Variants in AKNAD1 observed in about 807,000 individuals in gnomAD.
AKNAD1 encodes protein AKNAD1.
AKNAD1 carries 67 observed loss-of-function variants against 90.8 expected under a neutral mutation model. The ratio of observed to expected loss-of-function variants is 0.74; its 90% confidence interval spans 0.61 to 0.90. The LOEUF (loss-of-function observed/expected upper bound fraction) is 0.90. Among genes scored for constraint, AKNAD1 ranks in the 40% least tolerant of loss-of-function variants. The pLI is 0.00. For synonymous variants in AKNAD1, 327 were observed against 341.4 expected, an observed-to-expected ratio of 0.96 and a Z score of 0.46; for missense variants, 957 against 975.4, an observed-to-expected ratio of 0.98 and a Z score of 0.25.
chr1:108,842,372 G>A (rs1182949850), intron 6 of AKNAD1, among the ~76,000 whole-genome samples: 1 of 152,114 alleles, frequency 6.6e-6, no homozygotes, highest in African/African-American at 2.4e-5. Flanking sequence ...TTTATACCAG[G>A]AAATTATAGG....
At chr1:108,840,307 A>T (rs1325258106) in intron 6 of AKNAD1, among the ~76,000 whole-genome samples, 1 of 152,218 alleles carries the variant, frequency 6.6e-6, no homozygotes, top group African/African-American at 2.4e-5. Context: ...AATACTTCCT[A>T]TGACATCAAT....
In AKNAD1 at chr1:108,849,117, T is replaced by C. The variant is rs561891187; in HGVS notation, c.1034-57A>G. On this transcript the variant is annotated intron_variant, in intron 3 of 15. Transcript: ENST00000370001. ...TTCATCTCAACTTATCACAGTTTTA[T>C]TAAGTACTGAAAACAGAAAGCTGTT... 3.4e-6 allele frequency: 5 copies of C among 1,451,056 alleles called. No individual in the cohort carries two copies. In the South Asian group the frequency reaches 7.3e-5, roughly 21 times the overall value. 89.9% of individuals were successfully genotyped at this position (1,451,056 alleles called of 1,614,324 possible).
rs371658377 is a variant in AKNAD1, at chr1:108,844,832, A to C, written c.1246-1565T>G. On this transcript the variant is annotated intron_variant, in intron 5 of 15. Transcript: ENST00000370001. ...ATTATTAATTCTTTTTTTTTTTTTT[A>C]ATTTAAGACAGTCACTCGCTCTGTC... Among the ~76,000 whole-genome samples the C allele has an allele frequency of 2.4e-5, 3 of 122,530 alleles. 1 individual carries two copies. The South Asian group carries it at 7.2e-4, about 29-fold the overall frequency. The allele number at this position is 122,530 out of a possible 152,430, so 80.4% of individuals were successfully genotyped here.
intron 9 of AKNAD1, among the ~76,000 whole-genome samples, chr1:108,832,871 C>T (rs369521772): frequency 7.2e-5 from 11 of 152,146 alleles, no homozygotes; most frequent in Non-Finnish European, 1.5e-4. Context: ...AACATTCCCA[C>T]GCACTGCCCT....
intron 11 of AKNAD1, 24 bp downstream of exon 11, chr1:108,827,181 C>A (rs771661558): frequency 7.6e-6 from 12 of 1,587,732 alleles, no homozygotes; most frequent in Non-Finnish European, 1.0e-5. Context: ...AAAATGAGCA[C>A]CCAGCCCAAG....
Position 108,837,614 on chromosome 1 carries a change from A to T in AKNAD1, c.1472T>A (p.Leu491His), listed in dbSNP as rs1255798729. Residue 491 changes from leucine to histidine, a missense_variant, in exon 7 of 16, where the codon CTT (leucine) becomes CAT (histidine). By Grantham distance (99) the Leu-to-His change is moderately conservative. Transcript: ENST00000370001. ...DESKYTSAPS[L>H]PVSSPVTLDD... ...CAGGGTAACTGGAGAACTCACAGGAAGGGAAGGAGCTGAAGTATATTTGCT... is the reference window on the plus strand; with the variant it reads ...CAGGGTAACTGGAGAACTCACAGGATGGGAAGGAGCTGAAGTATATTTGCT... 1 of 1,614,096 alleles carries T rather than the reference A, an allele frequency of 6.2e-7. No homozygotes were observed.
chr1:108,824,170 G>A (rs1663916113), intron 11 of AKNAD1, among the ~76,000 whole-genome samples: 1 of 152,158 alleles, frequency 6.6e-6, no homozygotes, highest in African/African-American at 2.4e-5. Context: ...TCATGACTTT[G>A]CTCTCTTAGC....
intron 1 of AKNAD1, among the ~76,000 whole-genome samples, chr1:108,856,399 C>T (rs551993497): frequency 3.6e-4 from 55 of 151,964 alleles, no homozygotes; most frequent in Non-Finnish European, 6.8e-4. Flanking sequence ...TGCTCTGGCT[C>T]TCAAGAAAAA....
At position 108,852,098 on chromosome 1, in the gene AKNAD1, C is replaced by T. The variant is rs747976210; in HGVS notation, c.567G>A (p.Thr189=). The T allele has an allele frequency of 3.1e-6, 5 of 1,614,162 alleles. No individual in the cohort carries two copies. The highest frequency in any genetic ancestry group is 1.3e-5 in the African/African-American group (1 of 75,048). ...CTAAATCAGAGGTATTTTCCTCTGT[C>T]GTGGTGGCAGAACCAGGCTTATTGC... ...ENSNKPGSAT[T]TEENTSDLEG... The change falls in exon 2 of 16, where the codon ACG becomes ACA. Residue 189 remains threonine, a synonymous_variant. Transcript: ENST00000370001.
chr1:108,830,644 GA>G lies in AKNAD1; in HGVS notation c.1752del (p.Asn586ThrfsTer12). On this transcript the variant is annotated frameshift_variant, in exon 10 of 16. Coordinates refer to ENST00000370001, the MANE Select transcript of AKNAD1 (RefSeq NM_152763.5). LOFTEE classifies it high-confidence loss of function. ...AMRLSSNSGE[D>X]PNGTPRRQDC... Reference sequence around the variant, plus strand: ...TCCTGCCTTCTTGGAGTGCCGTTGGGATCCTCCTGCGCCACAAAGCACACAG... The same window carrying G: ...TCCTGCCTTCTTGGAGTGCCGTTGGGTCCTCCTGCGCCACAAAGCACACAG... 1 of 1,614,068 alleles carries G rather than the reference GA, an allele frequency of 6.2e-7. No homozygotes were observed. The highest frequency in any genetic ancestry group is 8.5e-7 in the Non-Finnish European group (1 of 1,180,034).
chr1:108,818,395 C>T (rs1288373670), intron 14 of AKNAD1, among the ~76,000 whole-genome samples: 2 of 152,074 alleles, frequency 1.3e-5, no homozygotes, highest in African/African-American at 2.4e-5. Context: ...GTCCAGCATC[C>T]GGGGCCCCTA....
chr1:108,834,442 A>G lies in AKNAD1; in HGVS notation c.1746+5T>C, dbSNP rs775590361. 1 of 1,605,886 alleles carries G rather than the reference A, an allele frequency of 6.2e-7. No homozygotes were observed. The highest frequency in any genetic ancestry group is 1.7e-5 in the Admixed American group (1 of 59,048). ...CCCAGCCAGGCCCCGGCTGCAGGAC[A>G]TTACCCCAGAGTTAGAAGACAGCCT... On this transcript the variant is annotated splice_donor_5th_base_variant and intron_variant, in intron 9 of 15. Coordinates refer to ENST00000370001, the MANE Select transcript of AKNAD1 (RefSeq NM_152763.5).
At chr1:108,837,738 G>A (rs755348361) in intron 6 of AKNAD1, 32 bp from the exon 7 acceptor site, 1 of 1,608,182 alleles carries the variant, frequency 6.2e-7, no homozygotes. Context: ...GGCATCTTCT[G>A]GGCTATGTGG....
chr1:108,855,732 G>A (rs1226689613), intron 1 of AKNAD1, among the ~76,000 whole-genome samples: 1 of 151,998 alleles, frequency 6.6e-6, no homozygotes, highest in Non-Finnish European at 1.5e-5. Flanking sequence ...GTTGCAGTGA[G>A]CCGAGATCAT....
rs1181632372 is a variant in AKNAD1, at chr1:108,816,262, G to A, written c.2420C>T (p.Thr807Ile). 5 of 1,613,428 alleles carry A rather than the reference G, an allele frequency of 3.1e-6. No individual in the cohort carries two copies. The highest frequency in any genetic ancestry group is 1.1e-5 in the South Asian group (1 of 90,954). ...SALDHALRTA[T>I]ILKETTDQMI... ...TTGATCTGTAGTTTCTTTCAAAATG[G>A]TTGCTGTCCTTAGGGCATGATCCAA... is the stretch of plus-strand genomic sequence containing the variant. Residue 807 changes from threonine (T) to isoleucine (I), a missense_variant, in exon 16 of 16, where the codon ACC becomes ATC. Physicochemically the swap from Thr to Ile is moderately conservative, Grantham distance 89 (BLOSUM62 -1). Coordinates refer to ENST00000370001, the MANE Select transcript of AKNAD1 (RefSeq NM_152763.5).
intron 10 of AKNAD1, among the ~76,000 whole-genome samples, 162 bp from the exon 11 acceptor site, chr1:108,827,464 T>C (rs1021943072): frequency 1.3e-5 from 2 of 151,604 alleles, no homozygotes; most frequent in African/African-American, 4.8e-5. Context: ...GCCTGCCTGT[T>C]TGAGAGCTTT....
Position 108,816,215 on chromosome 1 carries a change from C to G in AKNAD1, c.2467G>C (p.Asp823His). 6.2e-7 allele frequency: 1 copy of G among 1,613,630 alleles called. No homozygotes were observed. The highest frequency in any genetic ancestry group is 8.5e-7 in the Non-Finnish European group (1 of 1,179,836). ...CTCCACCTCTGTGCTTTAGCAAGGTCTTCTGCAATCGTTTTAATCATTTGA... is the reference window on the plus strand; with the variant it reads ...CTCCACCTCTGTGCTTTAGCAAGGTGTTCTGCAATCGTTTTAATCATTTGA... ...TDQMIKTIAEDLAKAQRWRNR... is the reference protein window; with the variant it reads ...TDQMIKTIAEHLAKAQRWRNR... Residue 823 changes from aspartate to histidine, a missense_variant, in exon 16 of 16, where the codon GAC becomes CAC. Physicochemically the swap from Asp to His is moderately conservative, Grantham distance 81. Coordinates refer to ENST00000370001, the MANE Select transcript of AKNAD1 (RefSeq NM_152763.5).
intron 9 of AKNAD1, among the ~76,000 whole-genome samples, chr1:108,832,211 CTTT>C (rs35868464): frequency 6.5e-5 from 6 of 91,686 alleles, no homozygotes; most frequent in African/African-American, 9.2e-5. Flanking sequence ...ATGCTGTGTT[CTTT>C]TTTTTTTTTT....
In AKNAD1 at chr1:108,817,167, GAA is replaced by G; in HGVS notation, c.2258_2259del (p.Leu753ProfsTer30). On this transcript the variant is annotated frameshift_variant, in exon 15 of 16. Coordinates refer to ENST00000370001, the MANE Select transcript of AKNAD1 (RefSeq NM_152763.5). LOFTEE classifies it high-confidence loss of function. ...TCTGAGCTGTAGGTCATGAAAGCCT[GAA>G]GTTTTTTTCTGGAAGACAAAAGCAC... ...EHEPTPGKKKLQAFMTYSSDP... is the reference protein window; with the variant it reads ...EHEPTPGKKKXQAFMTYSSDP... 1 of 1,613,964 alleles carries G rather than the reference GAA, an allele frequency of 6.2e-7. No homozygotes were observed. Among genetic ancestry groups the G allele is most frequent in the Non-Finnish European group, 8.5e-7 (1 of 1,179,960 alleles).
Sources: gnomAD v4.1 joint callset for allele counts (sites outside exome capture counted in the v4.1 genomes callset) on GRCh38, gnomAD v4.1.1 for gene constraint, MANE v1.5 for transcripts, NCBI Gene and HGNC (gene_info 2026-07-23, HGNC 2026-07-21) for gene names.